SH3YL1: variants seen among roughly 807,000 people sequenced by gnomAD.
SH3YL1 encodes the protein SH3 and SYLF domain containing 1, also known as SH3 domain-containing YSC84-like protein 1.
A neutral mutation model predicts 45.8 loss-of-function variants in SH3YL1; 41 were observed. The ratio of observed to expected loss-of-function variants is 0.89; its 90% CI spans 0.70 to 1.16. SH3YL1 has a LOEUF of 1.16. Ranked by LOEUF, SH3YL1 falls within the 50% of genes most tolerant of loss-of-function variation. The pLI is 0.00. For synonymous variants in SH3YL1, 152 were observed against 151.4 expected (o/e 1.00, Z -0.03); for missense variants, 389 against 409.6 (o/e 0.95, Z 0.43).
intron 3 of SH3YL1, among the ~76,000 whole-genome samples, chr2:248,167 G>A (rs564545307): frequency 6.6e-6 from 1 of 152,124 alleles, no homozygotes; most frequent in African/African-American, 2.4e-5. Flanking sequence ...TAGAAACTAA[G>A]TACAGTAATT....
chr2:254,632 A>G (rs1157866447), intron 1 of SH3YL1, among the ~76,000 whole-genome samples: 1 of 152,244 alleles, frequency 6.6e-6, no homozygotes. Context: ...AGAATCACTG[A>G]GCCAAGGGAA....
Position 253,025 on chromosome 2 carries a change from C to T in SH3YL1, c.92G>A (p.Gly31Glu), listed in dbSNP as rs1188051798. 2 of 1,544,114 alleles carry T rather than the reference C, an allele frequency of 1.3e-6. No individual in the cohort carries two copies. Among genetic ancestry groups the T allele is most frequent in the East Asian group, 4.9e-5 (2 of 40,878 alleles). ...REFTEITSRN[G>E]PDKIIPAHVI... Reference sequence around the variant, plus strand: ...CCTACCAGGAATGATCTTATCAGGTCCATTTCTGGAAGTTATTTCTGTGAA... The same window carrying T: ...CCTACCAGGAATGATCTTATCAGGTTCATTTCTGGAAGTTATTTCTGTGAA... The change falls in exon 2 of 10, where the codon GGA (glycine) becomes GAA (glutamate). Residue 31 changes from glycine (G) to glutamate (E), a missense_variant. Gly to Glu is a moderately conservative substitution (Grantham distance 98, BLOSUM62 -2). Coordinates refer to ENST00000356150, the MANE Select transcript of SH3YL1 (RefSeq NM_015677.4).
Position 229,953 on chromosome 2 carries a change from CA to C in SH3YL1, c.781+12del. ...AATTACAACTGTATTTGAATTGCAACAAAAATATTTACTTTGAGAGCCAGAG... is the reference window on the plus strand; with the variant it reads ...AATTACAACTGTATTTGAATTGCAACAAAATATTTACTTTGAGAGCCAGAG... On this transcript the variant is annotated intron_variant, in intron 8 of 9. Coordinates refer to ENST00000356150, the MANE Select transcript of SH3YL1 (RefSeq NM_015677.4). 6.2e-7 allele frequency: 1 copy of C among 1,605,204 alleles called. No homozygotes were observed. The highest frequency in any genetic ancestry group is 8.5e-7 in the Non-Finnish European group (1 of 1,172,818).
chr2:241,232 C>G (rs928636003), intron 4 of SH3YL1: 1 of 151,866 alleles, frequency 6.6e-6, no homozygotes, highest in Non-Finnish European at 1.5e-5. Flanking sequence ...ATAAAAGAAC[C>G]AAATGGAAAT....
chr2:263,682 G>C, intron 1 of SH3YL1: 1 of 367,594 alleles, frequency 2.7e-6, no homozygotes, highest in Non-Finnish European at 4.9e-6. Context: ...AAGGATGGTC[G>C]CTGACACCTC....
chr2:247,037 C>A (rs1668846684), intron 4 of SH3YL1, among the ~76,000 whole-genome samples: 1 of 152,192 alleles, frequency 6.6e-6, no homozygotes, highest in African/African-American at 2.4e-5. Flanking sequence ...TGTGAGTGTG[C>A]ATGTCTGCCC....
rs373110915 is a variant in SH3YL1, at chr2:229,946, A to G, written c.781+20T>C. ...ATTACTTAATTACAACTGTATTTGA[A>G]TTGCAACAAAAATATTTACTTTGAG... On this transcript the variant is annotated intron_variant, in intron 8 of 9. Coordinates refer to ENST00000356150, the MANE Select transcript of SH3YL1 (RefSeq NM_015677.4). The G allele has an allele frequency of 2.5e-5, 40 of 1,594,062 alleles. No homozygotes were observed. The highest frequency in any genetic ancestry group is 3.4e-5 in the Non-Finnish European group (39 of 1,162,710).
rs1667960257 is a variant in SH3YL1, at chr2:229,965, C to T, written c.781+1G>A. The T allele has an allele frequency of 3.7e-6, 6 of 1,610,672 alleles. No homozygotes were observed. The South Asian group carries it at 4.4e-5, about 12-fold the overall frequency. On this transcript the variant is annotated splice_donor_variant, in intron 8 of 9. Coordinates refer to ENST00000356150, the MANE Select transcript of SH3YL1 (RefSeq NM_015677.4). LOFTEE classifies it high-confidence loss of function. ...ATTTGAATTGCAACAAAAATATTTA[C>T]TTTGAGAGCCAGAGTTCAGCTGGAC...
chr2:258,334 G>T (rs1168237252), intron 1 of SH3YL1, among the ~76,000 whole-genome samples: 1 of 152,130 alleles, frequency 6.6e-6, no homozygotes, highest in Non-Finnish European at 1.5e-5. Flanking sequence ...TCTTTCAGCA[G>T]TGCTTTGTAA....
intron 9 of SH3YL1, among the ~76,000 whole-genome samples, chr2:220,257 T>A (rs1667515144): frequency 6.6e-6 from 1 of 151,836 alleles, no homozygotes; most frequent in Admixed American, 6.6e-5. Flanking sequence ...TAGTCAACAC[T>A]TTAAACTACT....
At chr2:231,245 A>C (rs1427296541) in intron 6 of SH3YL1, 54 bp from the exon 7 acceptor site, 16 of 1,353,284 alleles carry the variant, frequency 1.2e-5, no homozygotes, top group Non-Finnish European at 1.6e-5. Flanking sequence ...TCTTTTCTAG[A>C]GTTAAACATA....
At chr2:243,142 A>G (rs1484747501) in intron 4 of SH3YL1, among the ~76,000 whole-genome samples, 1 of 152,190 alleles carries the variant, frequency 6.6e-6, no homozygotes, top group Non-Finnish European at 1.5e-5. Flanking sequence ...TATCAAGGAT[A>G]TGGAACAACT....
At chr2:244,561 G>T (rs1378747526) in intron 4 of SH3YL1, 1 of 86,800 alleles carries the variant, frequency 1.2e-5, no homozygotes, top group African/African-American at 3.2e-5. Context: ...GAAAAGAAAA[G>T]AAAAGAAAAA....
intron 1 of SH3YL1, among the ~76,000 whole-genome samples, chr2:253,437 C>G (rs1283682555): frequency 2.0e-5 from 3 of 152,208 alleles, no homozygotes; most frequent in Non-Finnish European, 4.4e-5. Context: ...CTCTGGTCAT[C>G]TTCACTGCTC....
chr2:225,513 C>T (rs1667755514), intron 8 of SH3YL1, among the ~76,000 whole-genome samples: 1 of 152,186 alleles, frequency 6.6e-6, no homozygotes, highest in African/African-American at 2.4e-5. Context: ...GTGCCCACAC[C>T]CCCTTTTGCA....
intron 1 of SH3YL1, 79 bp from the exon 2 acceptor site, chr2:253,194 C>A: frequency 2.4e-6 from 2 of 844,052 alleles, no homozygotes; most frequent in South Asian, 3.5e-5. Flanking sequence ...TCATTCTTCT[C>A]ATATACAATT....
At chr2:240,917 G>T (rs1668515364) in intron 4 of SH3YL1, 1 of 152,172 alleles carries the variant, frequency 6.6e-6, no homozygotes, top group Non-Finnish European at 1.5e-5. Context: ...AGGCTCCTAG[G>T]GGGAGAGGTT....
chr2:222,959 G>A (rs557073502), intron 9 of SH3YL1: 2 of 152,302 alleles, frequency 1.3e-5, no homozygotes, highest in South Asian at 2.1e-4. Context: ...TCACAGCTGC[G>A]TTTAAAAAAA....
At chr2:264,674 C>G, upstream of SH3YL1, 1 of 366,110 alleles carries the variant, frequency 2.7e-6, no homozygotes, top group South Asian at 3.8e-5. Flanking sequence ...GGTGACCCCA[C>G]CCCCGCAGCT....
Sources: gnomAD v4.1 joint callset for allele counts (sites outside exome capture counted in the v4.1 genomes callset) on GRCh38, gnomAD v4.1.1 for gene constraint, MANE v1.5 for transcripts, NCBI Gene and HGNC (gene_info 2026-07-23, HGNC 2026-07-21) for gene names.